Variants in PIK3R3 observed in about 807,000 individuals in gnomAD.
PIK3R3 encodes the protein phosphoinositide-3-kinase regulatory subunit 3, also known as phosphatidylinositol 3-kinase regulatory subunit gamma.
PIK3R3 carries 64 observed loss-of-function variants against 62.9 expected under a neutral mutation model. That is an observed-to-expected ratio of 1.02 (90% confidence interval 0.83 to 1.25). The LOEUF (loss-of-function observed/expected upper bound fraction) is 1.25, where lower values mean the gene tolerates loss of function less well. Among genes scored for constraint, PIK3R3 ranks in the 50% most tolerant of loss-of-function variants. PIK3R3 has a pLI of 0.00. For missense variants in PIK3R3, 614 were observed against 561.6 expected (o/e 1.09, Z -0.94); for synonymous variants, 165 against 189.0 (o/e 0.87, Z 1.04).
At chr1:46,112,233 T>C (rs1653806755) in intron 1 of PIK3R3, among the ~76,000 whole-genome samples, 1 of 152,248 alleles carries the variant, frequency 6.6e-6, no homozygotes, top group Non-Finnish European at 1.5e-5. Flanking sequence ...ATAACTTGTT[T>C]GTCTTACTCT....
intron 1 of PIK3R3, among the ~76,000 whole-genome samples, chr1:46,111,583 G>A (rs955791338): frequency 1.3e-4 from 19 of 151,956 alleles, no homozygotes; most frequent in East Asian, 1.2e-3. Flanking sequence ...AAAATTAGCC[G>A]CGTGTAGCTG....
At chr1:46,103,550 C>T (rs1652911164) in intron 1 of PIK3R3, among the ~76,000 whole-genome samples, 1 of 151,982 alleles carries the variant, frequency 6.6e-6, no homozygotes, top group Admixed American at 6.6e-5. Flanking sequence ...GCCTGGGCAA[C>T]AAGAGCGAGA....
the PIK3R3 span, among the ~76,000 whole-genome samples, chr1:46,173,702 G>A: frequency 6.6e-6 from 1 of 152,138 alleles, no homozygotes; most frequent in Non-Finnish European, 1.5e-5. Flanking sequence ...GAAGGGGGAG[G>A]GGCAGTGAAG....
At chr1:46,169,023 G>T in the PIK3R3 span, among the ~76,000 whole-genome samples, 1 of 152,198 alleles carries the variant, frequency 6.6e-6, no homozygotes, top group Non-Finnish European at 1.5e-5. Flanking sequence ...CCTTGGTTCA[G>T]CTTTTTTCAC....
chr1:46,100,966 G>C (rs1332377424), intron 1 of PIK3R3, among the ~76,000 whole-genome samples: 1 of 150,938 alleles, frequency 6.6e-6, no homozygotes, highest in Non-Finnish European at 1.5e-5. Flanking sequence ...GGTAGGCTAG[G>C]AGTTCAAGAC....
intron 1 of PIK3R3, among the ~76,000 whole-genome samples, chr1:46,120,057 T>A (rs536809300): frequency 1.3e-5 from 2 of 152,204 alleles, no homozygotes; most frequent in Non-Finnish European, 2.9e-5. Flanking sequence ...CCAAGTTTAC[T>A]TAATTTACTG....
the PIK3R3 span, among the ~76,000 whole-genome samples, chr1:46,164,554 G>A: frequency 6.6e-6 from 1 of 152,098 alleles, no homozygotes; most frequent in African/African-American, 2.4e-5. Flanking sequence ...GCTTGAACCC[G>A]GGAGGCGGAG....
At chr1:46,071,078 C>T (rs867105788) in intron 3 of PIK3R3, among the ~76,000 whole-genome samples, 3 of 152,208 alleles carry the variant, frequency 2.0e-5, no homozygotes, top group Middle Eastern at 6.8e-3. Context: ...CAGACTCTGT[C>T]CCCTTCCTTT....
chr1:46,080,689 A>T lies in PIK3R3; in HGVS notation c.168T>A (p.Ser56Arg). ...ATTCTGCATCCTGAAGAGAAACAGA[A>T]CTGTCCTTCATTCCATTTGGAACTG... ...TSAVPNGMKD[S>R]SVSLQDAEWY... Residue 56 changes from serine to arginine, a missense_variant, in exon 2 of 10, where the codon AGT becomes AGA. By Grantham distance (110) the Ser-to-Arg change is moderately radical (BLOSUM62 -1). Transcript: ENST00000262741. 1 of 1,613,992 alleles carries T rather than the reference A, an allele frequency of 6.2e-7. No individual in the cohort carries two copies. Among genetic ancestry groups the T allele is most frequent in the Non-Finnish European group, 8.5e-7 (1 of 1,179,834 alleles).
chr1:46,105,327 C>G (rs1354763797), intron 1 of PIK3R3, among the ~76,000 whole-genome samples: 1 of 152,132 alleles, frequency 6.6e-6, no homozygotes, highest in East Asian at 1.9e-4. Flanking sequence ...TGGTGAAACC[C>G]CGTCTCTACT....
intron 3 of PIK3R3, among the ~76,000 whole-genome samples, chr1:46,075,091 GT>G: frequency 6.6e-6 from 1 of 152,200 alleles, no homozygotes; most frequent in East Asian, 1.9e-4. Flanking sequence ...TTCTACAAAC[GT>G]TTGACAGTAT....
chr1:46,118,159 A>C (rs1197705051), intron 1 of PIK3R3, among the ~76,000 whole-genome samples: 1 of 152,248 alleles, frequency 6.6e-6, no homozygotes, highest in Non-Finnish European at 1.5e-5. Flanking sequence ...TAGACTTATT[A>C]ATTATTAAAG....
chr1:46,048,211 G>C (rs1647168537), intron 7 of PIK3R3: 1 of 152,162 alleles, frequency 6.6e-6, no homozygotes. Context: ...ACATTCAATT[G>C]TCAGTAAATA....
At chr1:46,174,790 C>T in the PIK3R3 span, among the ~76,000 whole-genome samples, 1 of 152,168 alleles carries the variant, frequency 6.6e-6, no homozygotes, top group African/African-American at 2.4e-5. Flanking sequence ...AGTCTTGCCC[C>T]ACCCCTAAGC....
chr1:46,170,774 T>C, the PIK3R3 span, among the ~76,000 whole-genome samples: 7 of 152,218 alleles, frequency 4.6e-5, no homozygotes, highest in African/African-American at 1.4e-4. Context: ...TCAGTGTTCA[T>C]GTGTGGACAC....
chr1:46,141,693 T>C, the PIK3R3 span, among the ~76,000 whole-genome samples: 2 of 152,244 alleles, frequency 1.3e-5, no homozygotes. Flanking sequence ...AACTTTGTCA[T>C]AGACTAGCTC....
At chr1:46,125,996 G>A (rs1196994260) in intron 1 of PIK3R3, among the ~76,000 whole-genome samples, 2 of 151,936 alleles carry the variant, frequency 1.3e-5, no homozygotes, top group Non-Finnish European at 2.9e-5. Context: ...TCCTGACCTC[G>A]TAATCCGCCT....
chr1:46,086,605 C>T (rs1197721344), intron 1 of PIK3R3, among the ~76,000 whole-genome samples: 1 of 152,104 alleles, frequency 6.6e-6, no homozygotes, highest in Non-Finnish European at 1.5e-5. Context: ...AAGGCTGAGG[C>T]AGGAGACTCG....
intron 1 of PIK3R3, among the ~76,000 whole-genome samples, chr1:46,084,120 T>C (rs950544106): frequency 1.3e-5 from 2 of 152,204 alleles, no homozygotes; most frequent in Non-Finnish European, 1.5e-5. Context: ...TGTTACAACA[T>C]GGACGAATCT....
Sources: allele counts gnomAD v4.1 joint callset (sites outside exome capture counted in the v4.1 genomes callset), GRCh38; gene constraint gnomAD v4.1.1; transcripts MANE v1.5; gene names NCBI Gene and HGNC (gene_info 2026-07-23, HGNC 2026-07-21).